The following KIDINS220 variants were observed in gnomAD, a reference collection of about 807,000 sequenced individuals.
The protein encoded by KIDINS220 is kinase D-interacting substrate of 220 kDa.
KIDINS220 carries 63 observed loss-of-function variants against 157.6 expected under a neutral mutation model. The observed-to-expected ratio is 0.40, with a 90% CI of 0.33 to 0.49. The LOEUF (loss-of-function observed/expected upper bound fraction) is 0.49, where lower values mean the gene tolerates loss of function less well. Among genes scored for constraint, KIDINS220 ranks in the 20% least tolerant of loss-of-function variants. The pLI is 0.66. For missense variants in KIDINS220, 1,772 were observed against 2,171.2 expected (o/e 0.82, Z 3.65); for synonymous variants, 732 against 783.6 (o/e 0.93, Z 1.10).
At chr2:8,747,511 A>G (rs1666751104) in intron 25 of KIDINS220, 3 of 445,040 alleles carry the variant, frequency 6.7e-6, no homozygotes, top group African/African-American at 3.9e-5. Flanking sequence ...TACATCCTCT[A>G]TTTTTTATAT....
Position 8,790,083 on chromosome 2 carries a change from C to T in KIDINS220, c.1442-24G>A, listed in dbSNP as rs777044809. The T allele has an allele frequency of 1.3e-5, 20 of 1,567,236 alleles. No individual in the cohort carries two copies. In the African/African-American group the frequency reaches 2.8e-4, roughly 22 times the overall value. On this transcript the variant is annotated intron_variant, in intron 13 of 29. Transcript: ENST00000256707. ...GTCTGAAAGAGAATTTAATACGAAA[C>T]CTTATTCCTGTTTTGTTTAAGAAAT... is the stretch of plus-strand genomic sequence containing the variant.
chr2:8,734,809 A>C, intron 27 of KIDINS220, 56 bp from the exon 28 acceptor site: 11 of 1,203,974 alleles, frequency 9.1e-6, no homozygotes, highest in Non-Finnish European at 1.2e-5. Context: ...AATATTCTGA[A>C]TTACTAGTGA....
At chr2:8,781,767 A>C (rs753354275) in intron 17 of KIDINS220, among the ~76,000 whole-genome samples, 5 of 152,240 alleles carry the variant, frequency 3.3e-5, no homozygotes, top group Non-Finnish European at 5.9e-5. Flanking sequence ...GCAACAAAAG[A>C]ACAGCTGAGA....
chr2:8,788,960 C>T, intron 14 of KIDINS220, 148 bp from the exon 15 acceptor site: 1 of 638,738 alleles, frequency 1.6e-6, no homozygotes, highest in Non-Finnish European at 2.7e-6. Context: ...TCAAAGAATT[C>T]CATTAACCTC....
chr2:8,806,803 A>G (rs1675518923), intron 6 of KIDINS220, among the ~76,000 whole-genome samples: 1 of 151,612 alleles, frequency 6.6e-6, no homozygotes. Context: ...CTGGTCTTGA[A>G]CTCCTGACCT....
intron 4 of KIDINS220, among the ~76,000 whole-genome samples, chr2:8,817,257 T>C (rs1316151581): frequency 6.6e-6 from 1 of 152,182 alleles, no homozygotes; most frequent in East Asian, 1.9e-4. Flanking sequence ...AAAGTATAAC[T>C]TCAAACACCT....
At chr2:8,820,072 C>T (rs6743953) in intron 2 of KIDINS220, among the ~76,000 whole-genome samples, 11,335 of 152,154 alleles carry the variant, frequency 0.074, 1,436 homozygotes, top group African/African-American at 0.26. Flanking sequence ...TCCCATAGTT[C>T]TTCTGGATAA....
In KIDINS220 at chr2:8,789,872, A is replaced by C; in HGVS notation, c.1621+8T>G. 6.4e-7 allele frequency: 1 copy of C among 1,569,822 alleles called. No individual in the cohort carries two copies. The highest frequency in any genetic ancestry group is 8.6e-7 in the Non-Finnish European group (1 of 1,162,600). On this transcript the variant is annotated splice_region_variant and intron_variant, in intron 14 of 29. Coordinates refer to ENST00000256707, the MANE Select transcript of KIDINS220 (RefSeq NM_020738.4). Reference sequence around the variant, plus strand: ...CATTTTTGAAAAAGATAAAAAGCAAAGACTTACTAAAGAATATATATAAGA... The same window carrying C: ...CATTTTTGAAAAAGATAAAAAGCAACGACTTACTAAAGAATATATATAAGA...
downstream of KIDINS220, chr2:8,723,358 C>CA (rs2147917163): frequency 6.6e-6 from 1 of 152,356 alleles, no homozygotes; most frequent in East Asian, 1.9e-4. Context: ...CGGTGGAGCC[C>CA]AAAATGAAGG....
At chr2:8,830,482 G>A (rs112637262) in intron 1 of KIDINS220, among the ~76,000 whole-genome samples, 11,774 of 152,234 alleles carry the variant, frequency 0.077, 528 homozygotes, top group Middle Eastern at 0.22. Flanking sequence ...GCAGTAGCAC[G>A]ATCATGGCTC....
In KIDINS220 at chr2:8,729,779, T is replaced by C. The variant is rs1193379605; in HGVS notation, c.*941A>G. 7.1e-6 allele frequency: 7 copies of C among 982,378 alleles called. No individual in the cohort carries two copies. Among genetic ancestry groups the C allele is most frequent in the Non-Finnish European group, 8.5e-6 (7 of 827,182 alleles). The allele number at this position is 982,378 out of a possible 1,614,324, so 60.9% of individuals were successfully genotyped here. ...TAAATATTTCCTTGTCATTTATCAA[T>C]TGTCACTGACCTTTTTGATGTAATT... On this transcript the variant is annotated 3_prime_UTR_variant, in exon 30 of 30. Transcript: ENST00000256707.
intron 4 of KIDINS220, among the ~76,000 whole-genome samples, chr2:8,816,853 T>C (rs1677149672): frequency 6.6e-6 from 1 of 152,216 alleles, no homozygotes; most frequent in Non-Finnish European, 1.5e-5. Flanking sequence ...GCACTTAGTT[T>C]TGAGAACAAA....
rs1209896775 is a variant in KIDINS220 at position 8,728,934 on chromosome 2, T to C, written c.*1786A>G. On this transcript the variant is annotated 3_prime_UTR_variant, in exon 30 of 30. Transcript: ENST00000256707. The stretch of plus-strand genomic sequence containing the variant: ...TAAAAATTCATGAGTCAGAATAGCA[T>C]GCAATTTTTTATTGTTTTCTAAATC... The C allele has an allele frequency of 1.0e-6, 1 of 978,282 alleles. No homozygotes were observed. Among genetic ancestry groups the C allele is most frequent in the East Asian group, 1.1e-4 (1 of 8,776 alleles). The allele number at this position is 978,282 out of a possible 1,614,324, so 60.6% of individuals were successfully genotyped here.
intron 26 of KIDINS220, among the ~76,000 whole-genome samples, chr2:8,742,576 C>T (rs1409711655): frequency 6.6e-6 from 1 of 152,206 alleles, no homozygotes; most frequent in Admixed American, 6.5e-5. Context: ...TATGATTAAA[C>T]TTTGTGCTAA....
At chr2:8,816,841 T>C (rs1382193822) in intron 4 of KIDINS220, among the ~76,000 whole-genome samples, 1 of 152,332 alleles carries the variant, frequency 6.6e-6, no homozygotes, top group South Asian at 2.1e-4. Context: ...ATACCACCCA[T>C]TGCACTTAGT....
chr2:8,730,139 T>C lies in KIDINS220; in HGVS notation c.*581A>G. On this transcript the variant is annotated 3_prime_UTR_variant, in exon 30 of 30. Coordinates refer to ENST00000256707, the MANE Select transcript of KIDINS220 (RefSeq NM_020738.4). ...CCCTGGTGACTCACTTTGTTGGCAA[T>C]TTTTAAAGCCCTCTTCATTATGTAC... 2 of 985,872 alleles carry C rather than the reference T, an allele frequency of 2.0e-6. No homozygotes were observed. The highest frequency in any genetic ancestry group is 2.4e-6 in the Non-Finnish European group (2 of 830,280). 61.1% of individuals were successfully genotyped at this position (985,872 alleles called of 1,614,324 possible).
intron 22 of KIDINS220, among the ~76,000 whole-genome samples, chr2:8,761,725 A>G (rs1009176031): frequency 1.3e-5 from 2 of 152,148 alleles, no homozygotes; most frequent in African/African-American, 2.4e-5. Flanking sequence ...TTGGCCAAAC[A>G]TGCTAATAAT....
At chr2:8,775,871 C>T (rs1296073468) in intron 21 of KIDINS220, among the ~76,000 whole-genome samples, 6 of 152,126 alleles carry the variant, frequency 3.9e-5, no homozygotes, top group African/African-American at 1.2e-4. Context: ...CATTCTGTGA[C>T]GTTATATCTT....
At chr2:8,752,235 G>A (rs948473062) in intron 22 of KIDINS220, among the ~76,000 whole-genome samples, 6 of 152,064 alleles carry the variant, frequency 3.9e-5, no homozygotes, top group Admixed American at 1.3e-4. Flanking sequence ...TGCCCAGGAG[G>A]CTCTTGAACA....
Sources: gnomAD v4.1 joint callset for allele counts (sites outside exome capture counted in the v4.1 genomes callset) on GRCh38, gnomAD v4.1.1 for gene constraint, MANE v1.5 for transcripts, NCBI Gene and HGNC (gene_info 2026-07-23, HGNC 2026-07-21) for gene names.